Variants in STAT5B observed in about 807,000 individuals in gnomAD.
STAT5B encodes transcription factor STAT5B.
STAT5B carries 21 observed loss-of-function variants against 107.8 expected under a neutral mutation model. The observed-to-expected ratio is 0.19, with a 90% CI of 0.14 to 0.28. The LOEUF (loss-of-function observed/expected upper bound fraction) is 0.28, where lower values mean the gene tolerates loss of function less well. Ranked by LOEUF, STAT5B falls within the 10% of genes least tolerant of loss-of-function variation. The pLI is 1.00. For synonymous variants in STAT5B, 325 were observed against 401.7 expected (o/e 0.81, Z 2.28); for missense variants, 565 against 1,008.2 (o/e 0.56, Z 5.95).
rs534342062 is a variant in STAT5B at position 42,274,281 on chromosome 17, CAAAAAAA to C, written c.-11+1960_-11+1966del. On this transcript the variant is annotated intron_variant, in intron 1 of 18. Transcript: ENST00000293328. ...TTTTTTTTTCTGATGGTTTGCTTTA[CAAAAAAA>C]AAAAAAAAAAAAAAAAAAACCTCTC... 1.3e-4 allele frequency among the ~76,000 whole-genome samples: 8 copies of C among 62,530 alleles called. 1 individual carries two copies. Among genetic ancestry groups the C allele is most frequent in the Admixed American group, 6.4e-4 (3 of 4,692 alleles). 41.0% of individuals were successfully genotyped at this position (62,530 alleles called of 152,430 possible).
At position 42,218,159 on chromosome 17, in the gene STAT5B, G is replaced by A. The variant is rs763821368; in HGVS notation, c.1161C>T (p.Asn387=). The change falls in exon 9 of 19, where the codon AAC becomes AAT. Residue 387 remains asparagine, a synonymous_variant. Coordinates refer to ENST00000293328, the MANE Select transcript of STAT5B (RefSeq NM_012448.4). Reference sequence around the variant, plus strand: ...GGAAGCTGCACAATTACTTGCGGGTGTTCTCGTTCTTGAGCAGAGACTTGG... The same window carrying A: ...GGAAGCTGCACAATTACTTGCGGGTATTCTCGTTCTTGAGCAGAGACTTGG... ...QQAKSLLKNE[N]TRNDYSGEIL... 3 of 1,614,090 alleles carry A rather than the reference G, an allele frequency of 1.9e-6. No individual in the cohort carries two copies. The highest frequency in any genetic ancestry group is 2.5e-6 in the Non-Finnish European group (3 of 1,179,994).
At chr17:42,220,634 C>T (rs1311760464) in intron 5 of STAT5B, among the ~76,000 whole-genome samples, 1 of 152,038 alleles carries the variant, frequency 6.6e-6, no homozygotes, top group African/African-American at 2.4e-5. Context: ...ACAGACAGAC[C>T]GCAGAGGGAG....
intron 1 of STAT5B, among the ~76,000 whole-genome samples, chr17:42,243,807 T>C (rs2080425825): frequency 6.6e-6 from 1 of 152,170 alleles, no homozygotes; most frequent in South Asian, 2.1e-4. Flanking sequence ...TTCTTAGGCG[T>C]TGTGCTGCAG....
chr17:42,287,330 A>ACCCC, the STAT5B span, among the ~76,000 whole-genome samples: 32,851 of 143,756 alleles, frequency 0.23, 3,939 homozygotes, highest in South Asian at 0.34. Context: ...ATGAGAATGC[A>ACCCC]CCCCCCCCAA....
chr17:42,243,000 G>T (rs2080417783), intron 1 of STAT5B, among the ~76,000 whole-genome samples: 1 of 127,664 alleles, frequency 7.8e-6, no homozygotes, highest in African/African-American at 3.5e-5. Flanking sequence ...AAGGCCACAG[G>T]GTCCCTCTGC....
At chr17:42,220,113 C>A (rs2080212082) in intron 5 of STAT5B, among the ~76,000 whole-genome samples, 1 of 152,208 alleles carries the variant, frequency 6.6e-6, no homozygotes, top group South Asian at 2.1e-4. Flanking sequence ...CTGCCTGCCT[C>A]CTGCCCGCCT....
rs886672838 is a variant in STAT5B at position 42,272,128 on chromosome 17, T to A, written c.-11+4120A>T. On this transcript the variant is annotated intron_variant, in intron 1 of 18. Transcript: ENST00000293328. ...ATTTCTCAAGGCTCCACTTAACTCATCCTGCAACATTTATATTAAAAGTGA... is the reference window on the plus strand; with the variant it reads ...ATTTCTCAAGGCTCCACTTAACTCAACCTGCAACATTTATATTAAAAGTGA... 2.6e-5 allele frequency: 4 copies of A among 152,198 alleles called. 1 individual carries two copies. Among genetic ancestry groups the A allele is most frequent in the Admixed American group, 2.6e-4 (4 of 15,272 alleles). The allele number at this position is 152,198 out of a possible 1,614,324, so 9.4% of individuals were successfully genotyped here. A position where few individuals can be genotyped will look rare whatever the true frequency, so the allele number is the denominator to read the frequency against.
At chr17:42,264,909 G>A (rs1246141525) in intron 1 of STAT5B, among the ~76,000 whole-genome samples, 2 of 126,330 alleles carry the variant, frequency 1.6e-5, no homozygotes, top group East Asian at 4.3e-4. Context: ...TCTAACTGGT[G>A]TGAGATGGTA....
chr17:42,220,618 G>GGACA (rs937862669), intron 5 of STAT5B, among the ~76,000 whole-genome samples: 11 of 152,024 alleles, frequency 7.2e-5, no homozygotes, highest in African/African-American at 2.7e-4. Flanking sequence ...CAGGGAACAC[G>GGACA]GACAGACAGA....
intron 1 of STAT5B, among the ~76,000 whole-genome samples, chr17:42,239,893 A>G (rs2080388354): frequency 6.6e-6 from 1 of 152,222 alleles, no homozygotes; most frequent in Admixed American, 6.5e-5. Flanking sequence ...TGGGACGCTG[A>G]GGCGGGTGGA....
At chr17:42,223,624 G>A in intron 4 of STAT5B, 68 bp from the exon 5 acceptor site, 1 of 1,583,574 alleles carries the variant, frequency 6.3e-7, no homozygotes, top group Non-Finnish European at 8.6e-7. Context: ...TAATCCCCAG[G>A]AAAAGCCAGC....
chr17:42,209,309 G>A (rs1157166519), intron 15 of STAT5B, among the ~76,000 whole-genome samples: 6 of 136,948 alleles, frequency 4.4e-5, no homozygotes, highest in African/African-American at 1.6e-4. Flanking sequence ...CCTGCCTGAG[G>A]CTCCCAAAGT....
At chr17:42,259,282 G>A (rs942839674) in intron 1 of STAT5B, among the ~76,000 whole-genome samples, 6 of 152,126 alleles carry the variant, frequency 3.9e-5, no homozygotes, top group African/African-American at 1.2e-4. Context: ...GATTACAGGC[G>A]TGAGCCACTG....
chr17:42,260,122 C>T (rs910003958), intron 1 of STAT5B, among the ~76,000 whole-genome samples: 1 of 152,304 alleles, frequency 6.6e-6, no homozygotes, highest in East Asian at 1.9e-4. Flanking sequence ...GACTGGGGAA[C>T]TGAATTGCAA....
At chr17:42,267,796 T>C (rs1333241478) in intron 1 of STAT5B, among the ~76,000 whole-genome samples, 1 of 151,762 alleles carries the variant, frequency 6.6e-6, no homozygotes, top group East Asian at 1.9e-4. Flanking sequence ...CCGTCTCTAC[T>C]AAAAATACAA....
the STAT5B span, among the ~76,000 whole-genome samples, chr17:42,287,330 A>ACCGC: frequency 6.9e-6 from 1 of 144,526 alleles, no homozygotes; most frequent in East Asian, 2.1e-4. Context: ...ATGAGAATGC[A>ACCGC]CCCCCCCCAA....
intron 15 of STAT5B, among the ~76,000 whole-genome samples, chr17:42,209,144 C>T (rs1177353264): frequency 6.6e-6 from 1 of 151,906 alleles, no homozygotes; most frequent in Non-Finnish European, 1.5e-5. Context: ...AAGTGATCAT[C>T]CCACCTCACC....
At chr17:42,216,165 CT>C (rs56888729) in intron 11 of STAT5B, 59 bp from the exon 12 acceptor site, 101,313 of 954,890 alleles carry the variant, frequency 0.11, no homozygotes, top group South Asian at 0.14. Context: ...CTCCTTCTCT[CT>C]TTTTTTTTTT....
At position 42,202,912 on chromosome 17, in the gene STAT5B, CTT is replaced by C. The variant is rs1199928937; in HGVS notation, c.2078-106_2078-105del. The C allele has an allele frequency of 9.2e-6, 13 of 1,419,914 alleles. No individual in the cohort carries two copies. In the East Asian group the frequency reaches 3.0e-4, roughly 32 times the overall value. 88.0% of individuals were successfully genotyped at this position (1,419,914 alleles called of 1,614,324 possible). ...CTTAGGACAGAACACAACCACCTAA[CTT>C]ATCTAAGGATATGACACAAGCACTT... On this transcript the variant is annotated intron_variant, in intron 16 of 18. Transcript: ENST00000293328.
Sources: gnomAD v4.1 joint callset for allele counts (sites outside exome capture counted in the v4.1 genomes callset) on GRCh38, gnomAD v4.1.1 for gene constraint, MANE v1.5 for transcripts, NCBI Gene and HGNC (gene_info 2026-07-23, HGNC 2026-07-21) for gene names.